The following TMC1 variants were observed in gnomAD, a reference collection of about 807,000 sequenced individuals.
TMC1 encodes transmembrane channel-like protein 1.
TMC1 carries 84 observed loss-of-function variants against 105.8 expected under a neutral mutation model. The observed-to-expected ratio is 0.79, with a 90% CI of 0.67 to 0.95. The LOEUF (loss-of-function observed/expected upper bound fraction) is 0.95, where lower values mean the gene tolerates loss of function less well. Among genes scored for constraint, TMC1 ranks in the 40% least tolerant of loss-of-function variants. TMC1 has a pLI of 0.00. For synonymous variants in TMC1, 315 were observed against 311.5 expected, an observed-to-expected ratio of 1.01 and a Z score of -0.12; for missense variants, 817 against 914.1, an observed-to-expected ratio of 0.89 and a Z score of 1.37.
At chr9:72,727,017 A>G (rs766347244) in intron 8 of TMC1, among the ~76,000 whole-genome samples, 11 of 152,226 alleles carry the variant, frequency 7.2e-5, no homozygotes, top group Non-Finnish European at 1.3e-4. Flanking sequence ...CAGTCTGTCT[A>G]TCAAGCCACG....
At chr9:72,676,984 T>C (rs1826212959) in intron 5 of TMC1, among the ~76,000 whole-genome samples, 1 of 152,108 alleles carries the variant, frequency 6.6e-6, no homozygotes, top group Admixed American at 6.6e-5. Context: ...TTCTCTCTCA[T>C]AGGTCTTTTG....
chr9:72,639,612 T>C (rs1825590645), intron 4 of TMC1, among the ~76,000 whole-genome samples: 1 of 152,202 alleles, frequency 6.6e-6, no homozygotes, highest in Admixed American at 6.5e-5. Flanking sequence ...TCTTCAGATA[T>C]GTTGGCAGAG....
intron 5 of TMC1, among the ~76,000 whole-genome samples, chr9:72,657,247 C>T (rs1193103904): frequency 6.6e-6 from 1 of 152,208 alleles, no homozygotes; most frequent in African/African-American, 2.4e-5. Context: ...ATGTTGCAGC[C>T]TAGAAACTCT....
chr9:72,777,208 C>T (rs1588078372), intron 13 of TMC1, among the ~76,000 whole-genome samples: 1 of 152,240 alleles, frequency 6.6e-6, no homozygotes, highest in South Asian at 2.1e-4. Context: ...CAGTTATGAC[C>T]TACCTGATAC....
At chr9:72,769,404 T>A (rs538406505) in intron 12 of TMC1, among the ~76,000 whole-genome samples, 1 of 152,212 alleles carries the variant, frequency 6.6e-6, no homozygotes, top group Non-Finnish European at 1.5e-5. Flanking sequence ...AGTGTCTTTA[T>A]GGACAAGTGA....
At chr9:72,617,485 AGATTTTCTCT>A (rs2132124447) in intron 3 of TMC1, among the ~76,000 whole-genome samples, 1 of 152,212 alleles carries the variant, frequency 6.6e-6, no homozygotes, top group South Asian at 2.1e-4. Flanking sequence ...TAAATGTTTG[AGATTTTCTCT>A]GACCATCACA....
At chr9:72,769,359 C>A (rs1205820545) in intron 12 of TMC1, among the ~76,000 whole-genome samples, 2 of 152,180 alleles carry the variant, frequency 1.3e-5, no homozygotes, top group Admixed American at 1.3e-4. Context: ...CAACATGCCG[C>A]CTTTATTATT....
At chr9:72,540,303 G>T (rs911362719) in intron 1 of TMC1, among the ~76,000 whole-genome samples, 2 of 152,102 alleles carry the variant, frequency 1.3e-5, no homozygotes, top group Non-Finnish European at 2.9e-5. Flanking sequence ...TGAGTTCTTG[G>T]TGTACTCTAA....
intron 10 of TMC1, among the ~76,000 whole-genome samples, chr9:72,745,178 A>G (rs1827468848): frequency 6.6e-6 from 1 of 152,170 alleles, no homozygotes; most frequent in Non-Finnish European, 1.5e-5. Context: ...GAGTACCACC[A>G]TGAGTCAGAT....
At chr9:72,587,582 T>C (rs1053304140) in intron 2 of TMC1, among the ~76,000 whole-genome samples, 11 of 152,184 alleles carry the variant, frequency 7.2e-5, no homozygotes, top group Non-Finnish European at 1.3e-4. Flanking sequence ...AAGAAGTCTA[T>C]TGATGGAAGA....
chr9:72,667,971 T>A (rs1384434060), intron 5 of TMC1, among the ~76,000 whole-genome samples: 1 of 152,174 alleles, frequency 6.6e-6, no homozygotes, highest in Non-Finnish European at 1.5e-5. Flanking sequence ...AGTTCCTATC[T>A]TTGACATTAA....
chr9:72,683,690 A>G (rs533076201), intron 5 of TMC1, among the ~76,000 whole-genome samples: 1 of 138,904 alleles, frequency 7.2e-6, no homozygotes, highest in South Asian at 2.4e-4. Context: ...TATTAATAGT[A>G]CAGACAGCTG....
At chr9:72,595,699 C>G (rs1366730225) in intron 2 of TMC1, among the ~76,000 whole-genome samples, 8 of 121,828 alleles carry the variant, frequency 6.6e-5, no homozygotes, top group Admixed American at 9.3e-5. Context: ...TTTTTTTAGA[C>G]TGAATCTTGC....
chr9:72,722,521 G>T (rs1264847768), intron 8 of TMC1, among the ~76,000 whole-genome samples: 1 of 152,124 alleles, frequency 6.6e-6, no homozygotes, highest in Admixed American at 6.5e-5. Flanking sequence ...CTGTTAGGCA[G>T]CATTGTGTTG....
At chr9:72,803,015 G>C (rs1189560809) in intron 17 of TMC1, among the ~76,000 whole-genome samples, 1 of 152,138 alleles carries the variant, frequency 6.6e-6, no homozygotes, top group Admixed American at 6.5e-5. Flanking sequence ...AAACAGCATA[G>C]TACTGGTGCA....
At chr9:72,556,846 CAAAA>C (rs1202411155) in intron 1 of TMC1, among the ~76,000 whole-genome samples, 1 of 151,158 alleles carries the variant, frequency 6.6e-6, no homozygotes, top group African/African-American at 2.4e-5. Flanking sequence ...AACAAACAAA[CAAAA>C]AAATTGGTTC....
At chr9:72,565,814 C>T (rs1263538840) in intron 1 of TMC1, among the ~76,000 whole-genome samples, 2 of 152,118 alleles carry the variant, frequency 1.3e-5, no homozygotes, top group Admixed American at 6.6e-5. Flanking sequence ...TCGGATCTCA[C>T]GAGACTTATT....
chr9:72,746,929 C>T (rs1199808561), intron 10 of TMC1, among the ~76,000 whole-genome samples: 1 of 152,150 alleles, frequency 6.6e-6, no homozygotes, highest in Non-Finnish European at 1.5e-5. Context: ...TCTCATTGAA[C>T]TGTGTATTTT....
chr9:72,699,167 CCTCG>C (rs1826600284), intron 7 of TMC1, among the ~76,000 whole-genome samples: 1 of 152,116 alleles, frequency 6.6e-6, no homozygotes, highest in Non-Finnish European at 1.5e-5. Flanking sequence ...GTATTGCATG[CCTCG>C]ATTTAAAATT....
Sources: gnomAD v4.1 joint callset for allele counts (sites outside exome capture counted in the v4.1 genomes callset) on GRCh38, gnomAD v4.1.1 for gene constraint, MANE v1.5 for transcripts, NCBI Gene and HGNC (gene_info 2026-07-23, HGNC 2026-07-21) for gene names.